ZNF407: variants seen among roughly 807,000 people sequenced by gnomAD.
ZNF407 encodes the protein zinc finger protein 407.
Under a neutral mutation model 131.2 loss-of-function variants are expected in ZNF407, and 17 were observed. The observed-to-expected ratio is 0.13, with a 90% CI of 0.09 to 0.19. The LOEUF (loss-of-function observed/expected upper bound fraction) is 0.19. Ranked by LOEUF, ZNF407 falls within the 10% of genes least tolerant of loss-of-function variation. ZNF407 has a pLI of 1.00. For synonymous variants in ZNF407, 1,156 were observed against 1,062.0 expected (o/e 1.09, Z -1.72); for missense variants, 2,681 against 2,830.6 (o/e 0.95, Z 1.20).
At chr18:74,966,303 G>A (rs1027155031) in intron 8 of ZNF407, among the ~76,000 whole-genome samples, 67 of 152,282 alleles carry the variant, frequency 4.4e-4, no homozygotes, top group African/African-American at 1.2e-3. Context: ...TGAGGTCTTA[G>A]ATTTAAGTCT....
intron 3 of ZNF407, among the ~76,000 whole-genome samples, chr18:74,715,056 C>T (rs954284156): frequency 1.3e-5 from 2 of 152,188 alleles, no homozygotes; most frequent in African/African-American, 4.8e-5. Context: ...CTTTTCCTTA[C>T]AAAACCTACA....
chr18:74,936,396 A>T (rs1972040226), intron 8 of ZNF407, among the ~76,000 whole-genome samples: 1 of 152,234 alleles, frequency 6.6e-6, no homozygotes, highest in South Asian at 2.1e-4. Flanking sequence ...TTTGATATAG[A>T]CCCCAAATCT....
intron 4 of ZNF407, among the ~76,000 whole-genome samples, chr18:74,822,501 A>G (rs919474651): frequency 1.3e-5 from 2 of 152,086 alleles, no homozygotes; most frequent in African/African-American, 4.8e-5. Flanking sequence ...AGTTTTCCAA[A>G]CACCATTTAT....
intron 8 of ZNF407, among the ~76,000 whole-genome samples, chr18:75,017,042 G>A (rs1973052787): frequency 6.6e-6 from 1 of 152,010 alleles, no homozygotes; most frequent in Admixed American, 6.6e-5. Flanking sequence ...AGTGGCAGTG[G>A]GAATCAATTC....
intron 4 of ZNF407, among the ~76,000 whole-genome samples, chr18:74,845,356 C>T (rs1970687922): frequency 1.3e-5 from 2 of 152,020 alleles, no homozygotes; most frequent in Non-Finnish European, 2.9e-5. Flanking sequence ...GGAGAGATAG[C>T]GAGAATTAGC....
intron 4 of ZNF407, among the ~76,000 whole-genome samples, chr18:74,799,167 A>C (rs1051875348): frequency 2.0e-5 from 3 of 152,156 alleles, no homozygotes; most frequent in Non-Finnish European, 4.4e-5. Context: ...GTTCAAAGAA[A>C]TTACTTAGCA....
At chr18:74,916,684 C>G (rs1971773594) in intron 7 of ZNF407, among the ~76,000 whole-genome samples, 1 of 117,890 alleles carries the variant, frequency 8.5e-6, no homozygotes. Flanking sequence ...AGGTTGTATG[C>G]AGCATTCGTT....
At chr18:74,980,867 T>C (rs1032103711) in intron 8 of ZNF407, among the ~76,000 whole-genome samples, 1 of 152,068 alleles carries the variant, frequency 6.6e-6, no homozygotes, top group East Asian at 1.9e-4. Context: ...CTGCGGCCAC[T>C]TGGAGAGGAG....
intron 8 of ZNF407, among the ~76,000 whole-genome samples, chr18:74,927,791 T>C (rs2145251357): frequency 6.6e-6 from 1 of 151,982 alleles, no homozygotes; most frequent in South Asian, 2.1e-4. Context: ...CAAGTTGCTA[T>C]TAAGGATAAT....
chr18:75,044,444 A>G lies in ZNF407; in HGVS notation c.5429-18706A>G, dbSNP rs565664622. Among the ~76,000 whole-genome samples, 11 of 152,148 alleles carry G rather than the reference A, an allele frequency of 7.2e-5. No homozygotes were observed. In the East Asian group the frequency reaches 1.7e-3, roughly 24 times the overall value. On this transcript the variant is annotated intron_variant, in intron 8 of 8. Transcript: ENST00000299687. ...CTAGCTTAGACTACAAGAAGCCACT[A>G]GAAGCCTCTGTATTGTTTCTGGATT...
chr18:75,055,397 C>T (rs981373282), intron 8 of ZNF407, among the ~76,000 whole-genome samples: 13 of 152,126 alleles, frequency 8.5e-5, no homozygotes, highest in African/African-American at 2.9e-4. Context: ...AACAGTTAAC[C>T]TCTGCCCTTC....
At chr18:74,669,024 G>T (rs1005208970) in intron 3 of ZNF407, among the ~76,000 whole-genome samples, 2 of 151,910 alleles carry the variant, frequency 1.3e-5, no homozygotes, top group African/African-American at 4.8e-5. Flanking sequence ...CTCTACCCAG[G>T]CACACTGGAG....
In ZNF407 at chr18:74,847,040, C is replaced by T. The variant is rs1970713161; in HGVS notation, c.4878-30157C>T. Among the ~76,000 whole-genome samples the T allele has an allele frequency of 2.0e-5, 3 of 151,996 alleles. No individual in the cohort carries two copies. The South Asian group carries it at 6.2e-4, about 31-fold the overall frequency. On this transcript the variant is annotated intron_variant, in intron 4 of 8. Coordinates refer to ENST00000299687, the MANE Select transcript of ZNF407 (RefSeq NM_017757.3). ...TGAAGTTTTTCTGTTTGCACTTTTG[C>T]TATTTGCTCAAAATGATTCTCTTAG...
intron 3 of ZNF407, among the ~76,000 whole-genome samples, chr18:74,662,635 T>C (rs919961074): frequency 1.3e-5 from 2 of 152,176 alleles, no homozygotes; most frequent in Non-Finnish European, 1.5e-5. Flanking sequence ...AGGAACAAAA[T>C]TATCCAAATA....
At chr18:74,899,063 G>A (rs1971489531) in intron 7 of ZNF407, among the ~76,000 whole-genome samples, 1 of 152,120 alleles carries the variant, frequency 6.6e-6, no homozygotes, top group Non-Finnish European at 1.5e-5. Context: ...GAGATTCTGT[G>A]GTAAAAGACA....
At chr18:74,692,572 C>T (rs1189211927) in intron 3 of ZNF407, among the ~76,000 whole-genome samples, 4 of 152,104 alleles carry the variant, frequency 2.6e-5, no homozygotes, top group Non-Finnish European at 5.9e-5. Flanking sequence ...GCCCTTTTTC[C>T]TTGACACCTT....
At chr18:74,676,527 C>T (rs968306683) in intron 3 of ZNF407, among the ~76,000 whole-genome samples, 3 of 151,688 alleles carry the variant, frequency 2.0e-5, no homozygotes, top group Non-Finnish European at 4.4e-5. Flanking sequence ...AGCTCCGCCT[C>T]CCGGGTTCAC....
At chr18:74,843,016 C>T (rs1970655499) in intron 4 of ZNF407, among the ~76,000 whole-genome samples, 1 of 152,080 alleles carries the variant, frequency 6.6e-6, no homozygotes, top group African/African-American at 2.4e-5. Context: ...GTGCCTGGCC[C>T]TTCTGTGTTA....
intron 1 of ZNF407, among the ~76,000 whole-genome samples, chr18:74,619,876 C>G (rs1983446378): frequency 6.6e-6 from 1 of 152,116 alleles, no homozygotes; most frequent in African/African-American, 2.4e-5. Flanking sequence ...TGATTAGTTA[C>G]ATTGATAATA....
Sources: gnomAD v4.1 joint callset for allele counts (sites outside exome capture counted in the v4.1 genomes callset) on GRCh38, gnomAD v4.1.1 for gene constraint, MANE v1.5 for transcripts, NCBI Gene and HGNC (gene_info 2026-07-23, HGNC 2026-07-21) for gene names.